Variants in C7orf33 observed in about 807,000 individuals in gnomAD.
C7orf33 encodes uncharacterized protein C7orf33.
C7orf33 carries 15 observed loss-of-function variants against 13.4 expected under a neutral mutation model. That is an observed-to-expected ratio of 1.12 (90% CI 0.75 to 1.72). The LOEUF (loss-of-function observed/expected upper bound fraction) is 1.72, where lower values mean the gene tolerates loss of function less well. Ranked by LOEUF, C7orf33 falls within the 40% of genes most tolerant of loss-of-function variation. C7orf33 has a pLI of 0.00. For missense variants in C7orf33, 187 were observed against 220.3 expected, an observed-to-expected ratio of 0.85 and a Z score of 0.96; for synonymous variants, 73 against 83.2, an observed-to-expected ratio of 0.88 and a Z score of 0.67.
chr7:148,601,588 C>T (rs1182046088), intron 1 of C7orf33, among the ~76,000 whole-genome samples: 9 of 152,220 alleles, frequency 5.9e-5, no homozygotes, highest in African/African-American at 2.2e-4. Flanking sequence ...CTCAAGCAAT[C>T]TGCCTGCCTT....
intron 1 of C7orf33, among the ~76,000 whole-genome samples, chr7:148,594,995 G>T (rs1457625365): frequency 6.6e-6 from 1 of 151,934 alleles, no homozygotes; most frequent in African/African-American, 2.4e-5. Context: ...AATCATTAGG[G>T]ACTCTTAAGA....
At chr7:148,600,377 A>G (rs1486079338) in intron 1 of C7orf33, among the ~76,000 whole-genome samples, 7 of 152,228 alleles carry the variant, frequency 4.6e-5, no homozygotes, top group Non-Finnish European at 7.3e-5. Context: ...AGGCTGAGGC[A>G]GGAGAATCAC....
chr7:148,598,078 C>G (rs1796363534), intron 1 of C7orf33, among the ~76,000 whole-genome samples: 1 of 152,134 alleles, frequency 6.6e-6, no homozygotes. Context: ...TTATACTCTA[C>G]TTACATATGT....
chr7:148,602,690 A>G lies in C7orf33; in HGVS notation c.205-11352A>G, dbSNP rs191790247. 2.6e-5 allele frequency among the ~76,000 whole-genome samples: 4 copies of G among 152,354 alleles called. No individual in the cohort carries two copies. The East Asian group carries it at 7.7e-4, about 29-fold the overall frequency. On this transcript the variant is annotated intron_variant, in intron 1 of 2. Transcript: ENST00000307003. ...CCTGGCCAGGGCAGTAAGGCAAGAA[A>G]AAGAAACAAAAGTCATAGGAATTGG...
chr7:148,606,805 T>C (rs1250724837), intron 1 of C7orf33, among the ~76,000 whole-genome samples: 2 of 152,118 alleles, frequency 1.3e-5, no homozygotes, highest in Non-Finnish European at 2.9e-5. Flanking sequence ...CAGGCTGGTC[T>C]CGAACTCTTG....
intron 1 of C7orf33, among the ~76,000 whole-genome samples, chr7:148,602,025 A>G (rs971902690): frequency 1.3e-5 from 2 of 152,200 alleles, no homozygotes; most frequent in African/African-American, 4.8e-5. Context: ...CTGGGATTAC[A>G]GGCGTGAGCC....
chr7:148,607,679 GT>G (rs1796489427), intron 1 of C7orf33, among the ~76,000 whole-genome samples: 1 of 152,040 alleles, frequency 6.6e-6, no homozygotes, highest in African/African-American at 2.4e-5. Flanking sequence ...TTTTCTTTGA[GT>G]TTTTTGACCA....
intron 1 of C7orf33, among the ~76,000 whole-genome samples, chr7:148,601,465 C>T (rs1796413509): frequency 6.7e-6 from 1 of 149,184 alleles, no homozygotes; most frequent in African/African-American, 2.5e-5. Flanking sequence ...CCCACCTCAG[C>T]CTCCCAAGTA....
Position 148,614,284 on chromosome 7 carries a change from T to A in C7orf33, c.447T>A (p.Ser149Arg). 6.2e-7 allele frequency: 1 copy of A among 1,614,076 alleles called. No individual in the cohort carries two copies. The highest frequency in any genetic ancestry group is 2.2e-5 in the East Asian group (1 of 44,878). ...ACAAGCCTGGGAGGACAGTGACAAG[T>A]TCATACCTAAACGTAAGCTCCGAAG... ...LSYKPGRTVT[S>R]SYLNVRGHEV... Residue 149 changes from serine to arginine, a missense_variant, in exon 2 of 3, where the codon AGT becomes AGA. Transcript: ENST00000307003.
At chr7:148,611,503 C>A (rs946573568) in intron 1 of C7orf33, among the ~76,000 whole-genome samples, 8 of 152,204 alleles carry the variant, frequency 5.3e-5, no homozygotes, top group African/African-American at 1.7e-4. Flanking sequence ...GGCAGCCCAA[C>A]TCCAGGGAAA....
intron 1 of C7orf33, among the ~76,000 whole-genome samples, chr7:148,605,466 G>C (rs1796462002): frequency 6.6e-6 from 1 of 152,234 alleles, no homozygotes; most frequent in African/African-American, 2.4e-5. Context: ...TGCAAGGCTA[G>C]AGGAGGAGGA....
intron 1 of C7orf33, among the ~76,000 whole-genome samples, chr7:148,612,911 A>G (rs1373144761): frequency 6.6e-6 from 1 of 152,024 alleles, no homozygotes; most frequent in Non-Finnish European, 1.5e-5. Context: ...TGATATTTCC[A>G]TACATGTATA....
At chr7:148,594,469 C>T (rs1052701633) in intron 1 of C7orf33, among the ~76,000 whole-genome samples, 1 of 152,154 alleles carries the variant, frequency 6.6e-6, no homozygotes, top group African/African-American at 2.4e-5. Flanking sequence ...AACCACCGCG[C>T]CCGACCAACC....
chr7:148,611,678 C>T (rs1381576014), intron 1 of C7orf33, among the ~76,000 whole-genome samples: 3 of 152,250 alleles, frequency 2.0e-5, no homozygotes, highest in Non-Finnish European at 4.4e-5. Context: ...CACACTGGCC[C>T]TCTGCCCTTG....
chr7:148,609,106 A>G (rs1254109567), intron 1 of C7orf33, among the ~76,000 whole-genome samples: 3 of 32,212 alleles, frequency 9.3e-5, no homozygotes, highest in Non-Finnish European at 2.1e-4. Context: ...TTATTTTGAA[A>G]AAAAAAAAAA....
At chr7:148,602,699 A>C (rs1323252970) in intron 1 of C7orf33, among the ~76,000 whole-genome samples, 4 of 152,204 alleles carry the variant, frequency 2.6e-5, no homozygotes, top group Non-Finnish European at 4.4e-5. Context: ...AAAAGAAACA[A>C]AAGTCATAGG....
intron 1 of C7orf33, among the ~76,000 whole-genome samples, chr7:148,595,635 A>C (rs1222778816): frequency 1.3e-5 from 1 of 79,410 alleles, no homozygotes; most frequent in African/African-American, 1.2e-4. Context: ...ATATACATCT[A>C]TATTATATAG....
At chr7:148,597,976 C>T (rs1264245113) in intron 1 of C7orf33, among the ~76,000 whole-genome samples, 2 of 152,104 alleles carry the variant, frequency 1.3e-5, no homozygotes, top group African/African-American at 2.4e-5. Context: ...AGGATGATCT[C>T]GATCTCCTGA....
rs372717391 is a variant in C7orf33, at chr7:148,614,336, A to T, written c.459+40A>T. The T allele has an allele frequency of 6.3e-6, 10 of 1,583,702 alleles. No homozygotes were observed. The African/African-American group carries it at 1.4e-4, about 21-fold the overall frequency. Reference sequence around the variant, plus strand: ...GTCTTAGCACCTCCAAGTTTAAGGAAACCCACGGGATGCTCTGAAACTTCC... The same window carrying T: ...GTCTTAGCACCTCCAAGTTTAAGGATACCCACGGGATGCTCTGAAACTTCC... On this transcript the variant is annotated intron_variant, in intron 2 of 2. Coordinates refer to ENST00000307003, the MANE Select transcript of C7orf33 (RefSeq NM_145304.4).
Sources: allele counts gnomAD v4.1 joint callset (sites outside exome capture counted in the v4.1 genomes callset), GRCh38; gene constraint gnomAD v4.1.1; transcripts MANE v1.5; gene names NCBI Gene and HGNC (gene_info 2026-07-23, HGNC 2026-07-21).